The following ITSN1 variants were observed in gnomAD, a reference collection of about 807,000 sequenced individuals.
The protein encoded by ITSN1 is intersectin-1.
In ITSN1, 58 loss-of-function variants were observed where a neutral mutation model predicts 239.8. The ratio of observed to expected loss-of-function variants is 0.24; its 90% CI spans 0.20 to 0.30. ITSN1 has a LOEUF of 0.30. ITSN1 is among the 10% of genes least tolerant of loss of function. The probability of loss-of-function intolerance (pLI) is 1.00; values close to 1 mark genes in which losing one functional copy is unlikely to be tolerated. For missense variants in ITSN1, 1,558 were observed against 2,103.3 expected, an observed-to-expected ratio of 0.74 and a Z score of 5.07; for synonymous variants, 780 against 770.8, an observed-to-expected ratio of 1.01 and a Z score of -0.20.
At chr21:33,675,296 G>C (rs2090524496) in intron 1 of ITSN1, among the ~76,000 whole-genome samples, 1 of 152,140 alleles carries the variant, frequency 6.6e-6, no homozygotes, top group Non-Finnish European at 1.5e-5. Context: ...GGGCACGGTG[G>C]CTCAAGCCTG....
At chr21:33,657,770 G>A (rs2089213854) in intron 1 of ITSN1, among the ~76,000 whole-genome samples, 1 of 152,158 alleles carries the variant, frequency 6.6e-6, no homozygotes, top group Non-Finnish European at 1.5e-5. Flanking sequence ...AAGGTTGCTC[G>A]AGACCAGGAG....
At chr21:33,714,477 G>A (rs1207073823) in intron 1 of ITSN1, among the ~76,000 whole-genome samples, 1 of 152,170 alleles carries the variant, frequency 6.6e-6, no homozygotes, top group Non-Finnish European at 1.5e-5. Flanking sequence ...TTCTAGAGTA[G>A]CATGGTAAAT....
At chr21:33,728,479 C>G (rs369897938) in intron 4 of ITSN1, among the ~76,000 whole-genome samples, 1 of 152,190 alleles carries the variant, frequency 6.6e-6, no homozygotes, top group East Asian at 1.9e-4. Flanking sequence ...CCGCCTGCCT[C>G]GGCCTCCCAA....
rs145593879 is a variant in ITSN1 at position 33,888,198 on chromosome 21, C to T, written c.5064C>T (p.Asp1688=). The change falls in exon 40 of 40, where the codon GAC becomes GAT. Residue 1688 remains aspartate (D), a synonymous_variant. Transcript: ENST00000381318. The stretch of plus-strand genomic sequence containing the variant: ...TCCGTGTGGCGGACATCAAGAAAGA[C>T]CAGGGCTCCAAAGGTCCAGTTACGA... The part of the protein sequence containing the change: ...TEIRVADIKK[D]QGSKGPVTKC... The T allele has an allele frequency of 1.4e-5, 23 of 1,614,064 alleles. No individual in the cohort carries two copies. In the African/African-American group the frequency reaches 1.7e-4, roughly 12 times the overall value.
chr21:33,733,166 C>G (rs531732087), intron 4 of ITSN1, among the ~76,000 whole-genome samples: 35 of 152,176 alleles, frequency 2.3e-4, no homozygotes, highest in Non-Finnish European at 4.4e-5. Flanking sequence ...TACCAGAGAG[C>G]CAGTGTGATC....
intron 4 of ITSN1, among the ~76,000 whole-genome samples, chr21:33,723,064 T>G (rs535884657): frequency 6.6e-6 from 1 of 152,338 alleles, no homozygotes; most frequent in African/African-American, 2.4e-5. Context: ...AGTTAGTGCA[T>G]GGTAAATCCA....
chr21:33,872,564 C>T (rs1459156707), intron 33 of ITSN1, among the ~76,000 whole-genome samples: 1 of 152,124 alleles, frequency 6.6e-6, no homozygotes, highest in Non-Finnish European at 1.5e-5. Context: ...CAGAGTCTCG[C>T]TCTGTCACCC....
At chr21:33,643,270 G>T (rs953171439) in intron 1 of ITSN1, 1 of 151,536 alleles carries the variant, frequency 6.6e-6, no homozygotes, top group Non-Finnish European at 1.5e-5. Context: ...TCGGCCCCAG[G>T]GCGCGCCGCG....
chr21:33,868,419 G>A (rs759059318), intron 33 of ITSN1, among the ~76,000 whole-genome samples: 76 of 152,206 alleles, frequency 5.0e-4, no homozygotes, highest in Non-Finnish European at 6.2e-4. Context: ...CGGAGGCAGG[G>A]GAAGGCTCAG....
intron 1 of ITSN1, among the ~76,000 whole-genome samples, chr21:33,652,608 C>T (rs2088639700): frequency 6.6e-6 from 1 of 152,162 alleles, no homozygotes; most frequent in South Asian, 2.1e-4. Flanking sequence ...ATACCGCTCT[C>T]AGATGCATTC....
At chr21:33,736,906 G>A (rs985682941) in intron 5 of ITSN1, among the ~76,000 whole-genome samples, 1 of 152,174 alleles carries the variant, frequency 6.6e-6, no homozygotes, top group African/African-American at 2.4e-5. Flanking sequence ...GATCACTTGA[G>A]CACAAGAGGT....
At position 33,859,926 on chromosome 21, in the gene ITSN1, C is replaced by T. The variant is rs971068607; in HGVS notation, c.3890+1134C>T. Among the ~76,000 whole-genome samples the T allele has an allele frequency of 2.6e-5, 4 of 152,218 alleles. No homozygotes were observed. The East Asian group carries it at 5.8e-4, about 22-fold the overall frequency. On this transcript the variant is annotated intron_variant, in intron 31 of 39. Transcript: ENST00000381318. The stretch of plus-strand genomic sequence containing the variant: ...AGCCTTTCGAACTTAGGTCTGGTGT[C>T]ACACCCTTGGGCTCACATCCGCTAT...
intron 31 of ITSN1, among the ~76,000 whole-genome samples, 158 bp downstream of exon 31, chr21:33,858,950 T>C (rs968107995): frequency 1.3e-5 from 2 of 152,104 alleles, no homozygotes; most frequent in Non-Finnish European, 2.9e-5. Context: ...CATCACCCTT[T>C]TGTGCCTTCG....
rs1986177449 is a variant in ITSN1 at position 33,889,114 on chromosome 21, C to T, written c.*814C>T. ...GAAAGGCAACTTTACAATGTTGGGT[C>T]ACTGGGTCTCGGTTGGCAGCCATGT... On this transcript the variant is annotated 3_prime_UTR_variant, in exon 40 of 40. Transcript: ENST00000381318. 6.6e-6 allele frequency: 1 copy of T among 151,990 alleles called. No homozygotes were observed. 9.4% of individuals were successfully genotyped at this position (151,990 alleles called of 1,614,324 possible). A position where few individuals can be genotyped will look rare whatever the true frequency, so the allele number is the denominator to read the frequency against.
chr21:33,679,079 T>A (rs1401148717), intron 1 of ITSN1, among the ~76,000 whole-genome samples: 9 of 152,228 alleles, frequency 5.9e-5, no homozygotes, highest in African/African-American at 1.9e-4. Context: ...TACCATAGAT[T>A]GTTTTATCCT....
chr21:33,878,571 G>A (rs1012690087), intron 34 of ITSN1, among the ~76,000 whole-genome samples: 1 of 152,112 alleles, frequency 6.6e-6, no homozygotes, highest in Admixed American at 6.5e-5. Context: ...CCTCTCATAA[G>A]CTGCAAAGGC....
intron 5 of ITSN1, among the ~76,000 whole-genome samples, chr21:33,748,989 CTTT>C (rs10714954): frequency 1.2e-4 from 17 of 140,368 alleles, no homozygotes; most frequent in South Asian, 2.3e-4. Context: ...AGCTTTTTTA[CTTT>C]TTTTTTTTTT....
chr21:33,694,024 C>CT (rs1288849180), intron 1 of ITSN1, among the ~76,000 whole-genome samples: 1 of 151,884 alleles, frequency 6.6e-6, no homozygotes, highest in East Asian at 1.9e-4. Context: ...ATGGATATAT[C>CT]TTTTTTGGAG....
At chr21:33,877,407 T>C (rs563952323) in intron 34 of ITSN1, among the ~76,000 whole-genome samples, 3 of 152,274 alleles carry the variant, frequency 2.0e-5, no homozygotes, top group East Asian at 1.9e-4. Flanking sequence ...AGGACTGTTA[T>C]TGTGATTATC....
Sources: gnomAD v4.1 joint callset for allele counts (sites outside exome capture counted in the v4.1 genomes callset) on GRCh38, gnomAD v4.1.1 for gene constraint, MANE v1.5 for transcripts, NCBI Gene and HGNC (gene_info 2026-07-23, HGNC 2026-07-21) for gene names.